Variants in ADAMTS17 observed in about 807,000 individuals in gnomAD.
ADAMTS17 encodes the protein ADAM metallopeptidase with thrombospondin type 1 motif 17.
Under a neutral mutation model 141.5 loss-of-function variants are expected in ADAMTS17, and 113 were observed. That is an observed-to-expected ratio of 0.80 (90% CI 0.69 to 0.93). The LOEUF (loss-of-function observed/expected upper bound fraction) is 0.93. Ranked by LOEUF, ADAMTS17 falls within the 40% of genes least tolerant of loss-of-function variation. The pLI, the probability that ADAMTS17 is intolerant of heterozygous loss-of-function variation, is 0.00. For synonymous variants in ADAMTS17, 768 were observed against 630.6 expected (o/e 1.22, Z -3.27); for missense variants, 1,659 against 1,517.9 (o/e 1.09, Z -1.54).
intron 20 of ADAMTS17, chr15:99,979,946 G>T (rs2060450418): frequency 6.6e-6 from 1 of 152,170 alleles, no homozygotes; most frequent in South Asian, 2.1e-4. Context: ...TAATTCAAAA[G>T]AAACCCTGCT....
chr15:100,283,545 G>A lies in ADAMTS17; in HGVS notation c.617-2144C>T, dbSNP rs569992214. ...AGGTATGAGCCAAATGGCAGCCGCC[G>A]CCCTTCTCAAAGTCAGTGTTGATAA... On this transcript the variant is annotated intron_variant, in intron 3 of 21. Transcript: ENST00000268070. 3.8e-4 allele frequency among the ~76,000 whole-genome samples: 58 copies of A among 152,326 alleles called. No homozygotes were observed. The South Asian group carries it at 5.4e-3, about 14-fold the overall frequency.
intron 20 of ADAMTS17, among the ~76,000 whole-genome samples, chr15:99,985,982 T>C (rs1477921985): frequency 6.6e-5 from 10 of 152,222 alleles, no homozygotes; most frequent in Non-Finnish European, 1.2e-4. Flanking sequence ...TGGGCCACTA[T>C]AGCCAGCTCC....
Position 99,986,244 on chromosome 15 carries a change from C to T in ADAMTS17, c.2949+6804G>A, listed in dbSNP as rs564821340. On this transcript the variant is annotated intron_variant, in intron 20 of 21. Transcript: ENST00000268070. The stretch of plus-strand genomic sequence containing the variant: ...AAAACTGTCTGTAACTACCCTCTCG[C>T]GTGATACAAGGTTCGTTCATTGTTA... Among the ~76,000 whole-genome samples the T allele has an allele frequency of 1.8e-4, 27 of 152,318 alleles. No homozygotes were observed. In the South Asian group the frequency reaches 2.1e-3, roughly 12 times the overall value.
At chr15:100,171,666 G>A (rs564816981) in intron 8 of ADAMTS17, among the ~76,000 whole-genome samples, 1 of 152,280 alleles carries the variant, frequency 6.6e-6, no homozygotes, top group African/African-American at 2.4e-5. Context: ...CACCCCAGTG[G>A]CCTTTCAAGG....
intron 3 of ADAMTS17, among the ~76,000 whole-genome samples, chr15:100,300,390 G>A (rs748420295): frequency 1.3e-5 from 2 of 152,184 alleles, no homozygotes; most frequent in Non-Finnish European, 2.9e-5. Context: ...GGACCCTTCA[G>A]AGCAAAACGA....
At chr15:100,029,679 A>C (rs768580090) in intron 18 of ADAMTS17, among the ~76,000 whole-genome samples, 7 of 152,076 alleles carry the variant, frequency 4.6e-5, no homozygotes, top group African/African-American at 7.2e-5. Flanking sequence ...GTAACCGACT[A>C]CCTTTCCCTC....
intron 9 of ADAMTS17, among the ~76,000 whole-genome samples, chr15:100,153,646 A>G (rs1483684229): frequency 2.0e-5 from 3 of 151,544 alleles, no homozygotes; most frequent in African/African-American, 7.3e-5. Context: ...TCTGACTCAT[A>G]AATAACTAAA....
At chr15:100,201,509 C>T (rs2041332669) in intron 7 of ADAMTS17, among the ~76,000 whole-genome samples, 1 of 152,194 alleles carries the variant, frequency 6.6e-6, no homozygotes, top group South Asian at 2.1e-4. Flanking sequence ...TGAAAACAGA[C>T]TAATACATCC....
At chr15:100,060,480 G>A (rs954001204) in intron 15 of ADAMTS17, among the ~76,000 whole-genome samples, 3 of 152,224 alleles carry the variant, frequency 2.0e-5, no homozygotes, top group Non-Finnish European at 4.4e-5. Flanking sequence ...GGAGCGAGGT[G>A]GGGGCATTCC....
intron 3 of ADAMTS17, among the ~76,000 whole-genome samples, chr15:100,288,761 A>T (rs1188363601): frequency 1.3e-5 from 2 of 152,250 alleles, no homozygotes; most frequent in Non-Finnish European, 2.9e-5. Flanking sequence ...CTGCACCTGG[A>T]AACAGTGAAA....
At chr15:100,110,832 C>A (rs77481457) in intron 13 of ADAMTS17, among the ~76,000 whole-genome samples, 2,363 of 152,216 alleles carry the variant, frequency 0.016, 26 homozygotes, top group Non-Finnish European at 0.025. Flanking sequence ...GCCGACCTGG[C>A]CTCGGACGAC....
intron 12 of ADAMTS17, among the ~76,000 whole-genome samples, chr15:100,122,571 C>T (rs1315755408): frequency 6.6e-6 from 1 of 152,166 alleles, no homozygotes; most frequent in African/African-American, 2.4e-5. Flanking sequence ...AGAAAATCCA[C>T]ATATAACTTT....
chr15:100,077,461 C>CA (rs61464362), intron 15 of ADAMTS17, among the ~76,000 whole-genome samples: 3 of 139,396 alleles, frequency 2.2e-5, no homozygotes, highest in African/African-American at 8.2e-5. Flanking sequence ...GACTCCCTCT[C>CA]AAAAAAAAAA....
At chr15:100,268,035 G>A (rs2043779351) in intron 4 of ADAMTS17, among the ~76,000 whole-genome samples, 1 of 152,196 alleles carries the variant, frequency 6.6e-6, no homozygotes, top group African/African-American at 2.4e-5. Context: ...CCACTTATGA[G>A]TGAGAATATG....
intron 8 of ADAMTS17, among the ~76,000 whole-genome samples, chr15:100,167,936 C>T (rs1429726594): frequency 1.3e-5 from 2 of 152,202 alleles, no homozygotes; most frequent in African/African-American, 2.4e-5. Context: ...CCTTCTGGGG[C>T]CTGCTCTGGC....
At chr15:100,249,785 C>T (rs997780477) in intron 7 of ADAMTS17, among the ~76,000 whole-genome samples, 1 of 152,216 alleles carries the variant, frequency 6.6e-6, no homozygotes. Flanking sequence ...CTCGCAGCGC[C>T]TCAGAGTTTA....
At chr15:100,045,915 C>G (rs1259443660) in intron 18 of ADAMTS17, among the ~76,000 whole-genome samples, 1 of 152,174 alleles carries the variant, frequency 6.6e-6, no homozygotes, top group African/African-American at 2.4e-5. Flanking sequence ...GAGTCTCACT[C>G]TGTCACCAAG....
intron 6 of ADAMTS17, among the ~76,000 whole-genome samples, chr15:100,255,600 A>G (rs2043298404): frequency 6.9e-6 from 1 of 144,712 alleles, no homozygotes; most frequent in South Asian, 2.2e-4. Context: ...ACCCTTCCCA[A>G]TTCTCGTGTT....
chr15:100,264,164 A>G (rs2043628863), intron 4 of ADAMTS17, among the ~76,000 whole-genome samples: 1 of 152,232 alleles, frequency 6.6e-6, no homozygotes, highest in South Asian at 2.1e-4. Flanking sequence ...TCCTTTCCTC[A>G]GGAACAACTA....
Sources: allele counts gnomAD v4.1 joint callset (sites outside exome capture counted in the v4.1 genomes callset), GRCh38; gene constraint gnomAD v4.1.1; transcripts MANE v1.5; gene names NCBI Gene and HGNC (gene_info 2026-07-23, HGNC 2026-07-21).